The following PCDH7 variants were observed in gnomAD, a reference collection of about 807,000 sequenced individuals.
PCDH7 encodes the protein protocadherin-7.
A neutral mutation model predicts 58.9 loss-of-function variants in PCDH7; 17 were observed. The observed-to-expected ratio is 0.29, with a 90% CI of 0.20 to 0.43. PCDH7 has a LOEUF of 0.43. PCDH7 is among the 20% of genes least tolerant of loss of function. The pLI is 1.00. For missense variants in PCDH7, 1,274 were observed against 1,441.0 expected, an observed-to-expected ratio of 0.88 and a Z score of 1.88; for synonymous variants, 664 against 616.4, an observed-to-expected ratio of 1.08 and a Z score of -1.14.
intron 1 of PCDH7, among the ~76,000 whole-genome samples, chr4:30,728,296 T>G (rs12505404): frequency 0.19 from 20,361 of 105,136 alleles, 1,568 homozygotes; most frequent in Middle Eastern, 0.27. Context: ...TATATATATA[T>G]AGAGAGAGAG....
intron 2 of PCDH7, among the ~76,000 whole-genome samples, chr4:30,948,933 T>G (rs547702841): frequency 6.6e-6 from 1 of 152,254 alleles, no homozygotes; most frequent in African/African-American, 2.4e-5. Context: ...CGAAAAGAAT[T>G]ATTGTTTTCC....
At chr4:30,999,395 T>G (rs576631032) in intron 3 of PCDH7, among the ~76,000 whole-genome samples, 1 of 152,246 alleles carries the variant, frequency 6.6e-6, no homozygotes, top group East Asian at 1.9e-4. Flanking sequence ...CAAAATTTCC[T>G]TTGATTTATC....
chr4:30,841,818 G>A (rs563227931), intron 1 of PCDH7, among the ~76,000 whole-genome samples: 3 of 152,152 alleles, frequency 2.0e-5, no homozygotes, highest in East Asian at 1.9e-4. Context: ...TCTGGGGATA[G>A]TGTAGTTACA....
intron 3 of PCDH7, among the ~76,000 whole-genome samples, chr4:31,138,341 C>A (rs926560989): frequency 1.3e-5 from 2 of 152,126 alleles, no homozygotes; most frequent in African/African-American, 4.8e-5. Flanking sequence ...TTGTTTCATT[C>A]TTTTCACTAA....
chr4:30,981,930 T>G (rs1365900863), intron 3 of PCDH7, among the ~76,000 whole-genome samples: 1 of 152,192 alleles, frequency 6.6e-6, no homozygotes, highest in Non-Finnish European at 1.5e-5. Context: ...GTACATGAAC[T>G]CCACGTTAGA....
At chr4:30,884,037 G>A (rs11946165) in intron 1 of PCDH7, among the ~76,000 whole-genome samples, 56,017 of 151,832 alleles carry the variant, frequency 0.37, 10,773 homozygotes, top group African/African-American at 0.44. Flanking sequence ...CTTTTTCCTG[G>A]TTGCCCTATT....
intron 1 of PCDH7, among the ~76,000 whole-genome samples, chr4:30,764,622 T>A (rs966531187): frequency 1.3e-5 from 2 of 152,108 alleles, no homozygotes; most frequent in Non-Finnish European, 2.9e-5. Context: ...CAGCCTTAGG[T>A]TTCACTAGAT....
intron 3 of PCDH7, among the ~76,000 whole-genome samples, chr4:31,042,545 G>A (rs977030627): frequency 3.9e-5 from 6 of 152,118 alleles, no homozygotes; most frequent in Non-Finnish European, 7.4e-5. Flanking sequence ...AGAAAAGGGA[G>A]TCTTGTAAGT....
intron 1 of PCDH7, among the ~76,000 whole-genome samples, chr4:30,896,120 T>C (rs1013880570): frequency 2.0e-5 from 3 of 152,206 alleles, no homozygotes; most frequent in Non-Finnish European, 4.4e-5. Flanking sequence ...ATGGCATTTT[T>C]TATTTTCCTT....
Position 30,730,466 on chromosome 4 carries a change from A to G in PCDH7, c.3175-287A>G, listed in dbSNP as rs142638676. Among the ~76,000 whole-genome samples, 5 of 152,292 alleles carry G rather than the reference A, an allele frequency of 3.3e-5. No individual in the cohort carries two copies. In the East Asian group the frequency reaches 9.7e-4, roughly 29 times the overall value. Reference sequence around the variant, plus strand: ...ATCACTTCTGGTGAATTAATGTTTTAAAGGCGGAATCAAGGTTTATTTTCA... The same window carrying G: ...ATCACTTCTGGTGAATTAATGTTTTGAAGGCGGAATCAAGGTTTATTTTCA... On this transcript the variant is annotated intron_variant, in intron 1 of 1. Coordinates refer to ENST00000361762, the Ensembl canonical transcript of PCDH7.
At chr4:31,010,812 C>T (rs959982633) in intron 3 of PCDH7, among the ~76,000 whole-genome samples, 75 of 151,756 alleles carry the variant, frequency 4.9e-4, no homozygotes, top group African/African-American at 1.6e-3. Context: ...GAAAAAAGGT[C>T]TCAAAAATAA....
chr4:30,781,921 A>G (rs1722856901), intron 1 of PCDH7, among the ~76,000 whole-genome samples: 1 of 152,144 alleles, frequency 6.6e-6, no homozygotes. Context: ...AAACGGCGCT[A>G]ATGGCCTTTG....
intron 1 of PCDH7, among the ~76,000 whole-genome samples, chr4:30,816,886 TG>T (rs1473420352): frequency 6.6e-6 from 1 of 152,140 alleles, no homozygotes; most frequent in African/African-American, 2.4e-5. Context: ...AAAGGCCTTT[TG>T]TTTGCATTCC....
intron 3 of PCDH7, among the ~76,000 whole-genome samples, chr4:31,125,525 T>C (rs1368461247): frequency 1.3e-5 from 2 of 152,228 alleles, no homozygotes; most frequent in Non-Finnish European, 2.9e-5. Flanking sequence ...TGGCATATGA[T>C]TTTTGGACTT....
At chr4:30,852,994 G>A (rs994123981) in intron 1 of PCDH7, among the ~76,000 whole-genome samples, 5 of 151,984 alleles carry the variant, frequency 3.3e-5, no homozygotes, top group African/African-American at 7.2e-5. Flanking sequence ...ATGGCTTTCT[G>A]GAGTGCTACC....
chr4:31,124,697 TA>T (rs1157258534), intron 3 of PCDH7, among the ~76,000 whole-genome samples: 1 of 152,230 alleles, frequency 6.6e-6, no homozygotes, highest in Non-Finnish European at 1.5e-5. Context: ...ATTAATGTAG[TA>T]AGTCAAGTTG....
intron 1 of PCDH7, among the ~76,000 whole-genome samples, chr4:30,800,821 G>A (rs79254333): frequency 0.019 from 2,836 of 152,326 alleles, 41 homozygotes; most frequent in Non-Finnish European, 0.028. Flanking sequence ...GACTAGATGG[G>A]AAGTGGAAAG....
chr4:30,744,860 A>G (rs996556265), intron 1 of PCDH7, among the ~76,000 whole-genome samples: 13 of 152,346 alleles, frequency 8.5e-5, no homozygotes, highest in African/African-American at 2.4e-4. Context: ...TCCTAGAACC[A>G]GTTAATGAGC....
intron 1 of PCDH7, among the ~76,000 whole-genome samples, chr4:30,822,340 C>T (rs543152641): frequency 6.6e-6 from 1 of 152,214 alleles, no homozygotes; most frequent in South Asian, 2.1e-4. Flanking sequence ...TGCAGGCCAG[C>T]GACCGCTTGG....
Sources: gnomAD v4.1 joint callset for allele counts (sites outside exome capture counted in the v4.1 genomes callset) on GRCh38, gnomAD v4.1.1 for gene constraint, MANE v1.5 for transcripts, NCBI Gene and HGNC (gene_info 2026-07-23, HGNC 2026-07-21) for gene names.